PAPPA: variants seen among roughly 807,000 people sequenced by gnomAD.
The protein encoded by PAPPA is pappalysin 1.
In PAPPA, 60 loss-of-function variants were observed where a neutral mutation model predicts 164.0. That is an observed-to-expected ratio of 0.37 (90% CI 0.30 to 0.45). The LOEUF is 0.45. Among genes scored for constraint, PAPPA ranks in the 20% least tolerant of loss-of-function variants. The pLI is 1.00. For missense variants in PAPPA, 1,782 were observed against 2,087.3 expected (o/e 0.85, Z 2.85); for synonymous variants, 875 against 814.1 (o/e 1.07, Z -1.27).
intron 21 of PAPPA, among the ~76,000 whole-genome samples, chr9:116,386,543 A>C (rs535932710): frequency 5.3e-5 from 8 of 152,316 alleles, no homozygotes; most frequent in South Asian, 2.1e-4. Context: ...CTTAGAGTAC[A>C]TATGGGACTT....
At chr9:116,218,800 A>G (rs957296862) in intron 4 of PAPPA, among the ~76,000 whole-genome samples, 5 of 152,166 alleles carry the variant, frequency 3.3e-5, no homozygotes, top group Non-Finnish European at 5.9e-5. Flanking sequence ...TTCAAACCCC[A>G]GATGTATCCC....
In PAPPA at chr9:116,154,025, C is replaced by G; in HGVS notation, c.-148C>G. On this transcript the variant is annotated 5_prime_UTR_variant, in exon 1 of 22. Transcript: ENST00000328252. The surrounding 1 kb of genome is among the most constrained non-coding windows in gnomAD (Gnocchi z 5.2). ...GGAGCACACACCTTGAGGAGGAAAG[C>G]GAGAAAGAAAAGAAAAAAGCAAGTG... 2 of 1,014,324 alleles carry G rather than the reference C, an allele frequency of 2.0e-6. No homozygotes were observed. Among genetic ancestry groups the G allele is most frequent in the Non-Finnish European group, 2.5e-6 (2 of 804,934 alleles). The allele number at this position is 1,014,324 out of a possible 1,614,324, so 62.8% of individuals were successfully genotyped here. A position where few individuals can be genotyped will look rare whatever the true frequency, so the allele number is the denominator to read the frequency against.
At chr9:116,269,292 T>C (rs1329885513) in intron 8 of PAPPA, among the ~76,000 whole-genome samples, 1 of 152,158 alleles carries the variant, frequency 6.6e-6, no homozygotes, top group Non-Finnish European at 1.5e-5. Flanking sequence ...GTAGAACCAA[T>C]ACATGAACAG....
At chr9:116,292,066 T>C (rs1191689545) in intron 9 of PAPPA, among the ~76,000 whole-genome samples, 1 of 152,176 alleles carries the variant, frequency 6.6e-6, no homozygotes, top group Non-Finnish European at 1.5e-5. Context: ...ACTTAAGGAA[T>C]AGATACTTGT....
intron 9 of PAPPA, among the ~76,000 whole-genome samples, chr9:116,284,705 C>T (rs1263682866): frequency 6.6e-6 from 1 of 152,098 alleles, no homozygotes; most frequent in East Asian, 1.9e-4. Flanking sequence ...ACTGGTGGCG[C>T]CAGTAGCCAA....
chr9:116,368,217 T>C (rs1846527363), intron 19 of PAPPA, among the ~76,000 whole-genome samples: 1 of 152,226 alleles, frequency 6.6e-6, no homozygotes, highest in South Asian at 2.1e-4. Context: ...CTCCAAGCTT[T>C]ACCTGTTTTG....
intron 2 of PAPPA, among the ~76,000 whole-genome samples, chr9:116,201,643 T>C (rs1844172339): frequency 6.6e-6 from 1 of 152,176 alleles, no homozygotes; most frequent in Non-Finnish European, 1.5e-5. Context: ...CCTCCTTGAA[T>C]TTTTGTATCC....
At chr9:116,163,661 G>T (rs890242195) in intron 1 of PAPPA, among the ~76,000 whole-genome samples, 6 of 152,094 alleles carry the variant, frequency 3.9e-5, no homozygotes, top group Non-Finnish European at 8.8e-5. Context: ...TCCTTTTCTG[G>T]TGTATTTTCC....
At chr9:116,242,143 T>C (rs1264695630) in intron 7 of PAPPA, among the ~76,000 whole-genome samples, 1 of 151,996 alleles carries the variant, frequency 6.6e-6, no homozygotes, top group Non-Finnish European at 1.5e-5. Flanking sequence ...TACTGCAGCA[T>C]GAAAAGTGTT....
chr9:116,202,121 A>T (rs1449644438), intron 2 of PAPPA, among the ~76,000 whole-genome samples: 3 of 152,220 alleles, frequency 2.0e-5, no homozygotes, highest in African/African-American at 7.2e-5. Context: ...TGTACCATTG[A>T]AACGGGAAGG....
chr9:116,401,886 A>G lies in PAPPA; in HGVS notation c.*5270A>G, dbSNP rs1219460793. 6.6e-6 allele frequency: 1 copy of G among 151,870 alleles called. No homozygotes were observed. Among genetic ancestry groups the G allele is most frequent in the Non-Finnish European group, 1.5e-5 (1 of 67,866 alleles). The allele number at this position is 151,870 out of a possible 1,614,324, so 9.4% of individuals were successfully genotyped here. A position where few individuals can be genotyped will look rare whatever the true frequency, so the allele number is the denominator to read the frequency against. ...AAAAAGAAAAAGAAGAAAGACACAA[A>G]GAAAATAATCTAAACACCAAAAACT... On this transcript the variant is annotated 3_prime_UTR_variant, in exon 22 of 22. Transcript: ENST00000328252.
chr9:116,354,853 C>T (rs928419652), intron 17 of PAPPA, among the ~76,000 whole-genome samples: 2 of 152,136 alleles, frequency 1.3e-5, no homozygotes, highest in South Asian at 2.1e-4. Flanking sequence ...CAGGAGCCCC[C>T]GTCCCTTAGG....
At chr9:116,265,414 C>T (rs1313313530) in intron 7 of PAPPA, among the ~76,000 whole-genome samples, 1 of 152,110 alleles carries the variant, frequency 6.6e-6, no homozygotes, top group Non-Finnish European at 1.5e-5. Flanking sequence ...GGAGTTTCTG[C>T]TCAGGTCTTA....
At chr9:116,182,837 C>G (rs1027881289) in intron 1 of PAPPA, among the ~76,000 whole-genome samples, 2 of 152,136 alleles carry the variant, frequency 1.3e-5, no homozygotes, top group African/African-American at 2.4e-5. Flanking sequence ...GGGATGGTTC[C>G]GTAACAGGAG....
At chr9:116,327,233 GA>G (rs1564227018) in intron 10 of PAPPA, among the ~76,000 whole-genome samples, 1 of 152,172 alleles carries the variant, frequency 6.6e-6, no homozygotes, top group Non-Finnish European at 1.5e-5. Flanking sequence ...ACAGAGAGGG[GA>G]AAAAGGGTTA....
chr9:116,183,665 A>G (rs781199451), intron 1 of PAPPA, among the ~76,000 whole-genome samples: 3 of 152,180 alleles, frequency 2.0e-5, no homozygotes, highest in Non-Finnish European at 4.4e-5. Flanking sequence ...CTCCAGGTAA[A>G]TATTTCCCTC....
chr9:116,213,459 C>G (rs1379742678), intron 4 of PAPPA, among the ~76,000 whole-genome samples: 1 of 152,118 alleles, frequency 6.6e-6, no homozygotes. Context: ...AAAGCAGATT[C>G]CCACTGGGCT....
In PAPPA at chr9:116,236,633, A is replaced by G. The variant is rs551791524; in HGVS notation, c.2732+996A>G. ...TACTCACTTCTCAAGCCACCTCTCT[A>G]TTACTTCTTCCCCAAACATCCTCAG... is the stretch of plus-strand genomic sequence containing the variant. On this transcript the variant is annotated intron_variant, in intron 7 of 21. Transcript: ENST00000328252. Among the ~76,000 whole-genome samples the G allele has an allele frequency of 2.6e-5, 4 of 151,534 alleles. No individual in the cohort carries two copies. In the South Asian group the frequency reaches 8.4e-4, roughly 32 times the overall value.
chr9:116,384,196 T>G (rs1331105490), intron 21 of PAPPA, among the ~76,000 whole-genome samples: 1 of 151,658 alleles, frequency 6.6e-6, no homozygotes, highest in Non-Finnish European at 1.5e-5. Flanking sequence ...GAGGCCAAGA[T>G]GGGTGAATCA....
Sources: allele counts gnomAD v4.1 joint callset (sites outside exome capture counted in the v4.1 genomes callset), GRCh38; gene constraint gnomAD v4.1.1; non-coding constraint Gnocchi (gnomAD v3.1); transcripts MANE v1.5; gene names NCBI Gene and HGNC (gene_info 2026-07-23, HGNC 2026-07-21).